The following SORCS3 variants were observed in gnomAD, a reference collection of about 807,000 sequenced individuals.
The protein encoded by SORCS3 is VPS10 domain-containing receptor SorCS3.
SORCS3 carries 57 observed loss-of-function variants against 146.3 expected under a neutral mutation model. The ratio of observed to expected loss-of-function variants is 0.39; its 90% CI spans 0.31 to 0.49. The LOEUF (loss-of-function observed/expected upper bound fraction) is 0.49, where lower values mean the gene tolerates loss of function less well. Ranked by LOEUF, SORCS3 falls within the 20% of genes least tolerant of loss-of-function variation. The pLI is 0.92. For missense variants in SORCS3, 1,341 were observed against 1,575.5 expected (o/e 0.85, Z 2.52); for synonymous variants, 653 against 618.5 (o/e 1.06, Z -0.83).
intron 1 of SORCS3, among the ~76,000 whole-genome samples, chr10:104,702,098 G>A (rs1227804077): frequency 6.6e-6 from 1 of 152,186 alleles, no homozygotes; most frequent in Non-Finnish European, 1.5e-5. Flanking sequence ...GAAACAGATG[G>A]AGGGTCAGAC....
chr10:105,005,339 T>G (rs1029533239), intron 4 of SORCS3, among the ~76,000 whole-genome samples: 1 of 152,202 alleles, frequency 6.6e-6, no homozygotes, highest in Non-Finnish European at 1.5e-5. Context: ...CACAAATTTT[T>G]GTGTAAAATT....
At chr10:105,111,478 G>A (rs928634195) in intron 7 of SORCS3, among the ~76,000 whole-genome samples, 1 of 152,192 alleles carries the variant, frequency 6.6e-6, no homozygotes, top group Admixed American at 6.5e-5. Context: ...CTCAGGAAGT[G>A]TAGTTAGTTA....
At chr10:104,718,737 C>T (rs914833958) in intron 1 of SORCS3, among the ~76,000 whole-genome samples, 3 of 152,280 alleles carry the variant, frequency 2.0e-5, no homozygotes, top group East Asian at 1.9e-4. Flanking sequence ...GAAGGAAACT[C>T]AGTTCTGAGG....
At chr10:105,081,533 G>A (rs1013214634) in intron 5 of SORCS3, among the ~76,000 whole-genome samples, 14 of 152,148 alleles carry the variant, frequency 9.2e-5, no homozygotes, top group Admixed American at 7.2e-4. Context: ...CTGGGTGAGC[G>A]GTTATGGTTC....
intron 3 of SORCS3, among the ~76,000 whole-genome samples, chr10:104,926,534 C>G (rs185222013): frequency 6.6e-6 from 1 of 152,274 alleles, no homozygotes; most frequent in Non-Finnish European, 1.5e-5. Flanking sequence ...AGAAAAGACT[C>G]CTTGCACCCC....
At chr10:104,996,201 A>G (rs1171801114) in intron 4 of SORCS3, among the ~76,000 whole-genome samples, 1 of 152,144 alleles carries the variant, frequency 6.6e-6, no homozygotes, top group Admixed American at 6.6e-5. Context: ...TTTGAGAATC[A>G]ATTTGTTTAT....
intron 1 of SORCS3, among the ~76,000 whole-genome samples, chr10:104,842,367 C>T (rs2018151580): frequency 6.6e-6 from 1 of 152,202 alleles, no homozygotes; most frequent in Non-Finnish European, 1.5e-5. Context: ...AGGACCACTT[C>T]CCTTTTACCC....
intron 20 of SORCS3, among the ~76,000 whole-genome samples, chr10:105,226,836 T>G (rs1196637776): frequency 6.6e-6 from 1 of 151,968 alleles, no homozygotes; most frequent in Non-Finnish European, 1.5e-5. Flanking sequence ...GTTTTTCAGT[T>G]TCTTAGTGTA....
chr10:104,824,005 G>A (rs531655448), intron 1 of SORCS3, among the ~76,000 whole-genome samples: 23 of 152,232 alleles, frequency 1.5e-4, no homozygotes, highest in African/African-American at 5.3e-4. Flanking sequence ...GTCAAGGAAT[G>A]GGGGAAAAGA....
At chr10:104,997,684 A>G (rs2055035525) in intron 4 of SORCS3, among the ~76,000 whole-genome samples, 1 of 152,164 alleles carries the variant, frequency 6.6e-6, no homozygotes, top group East Asian at 1.9e-4. Context: ...ACAGTCGAGC[A>G]CTTACAGATC....
In SORCS3 at chr10:104,858,778, C is replaced by T. The variant is rs540044035; in HGVS notation, c.695+15919C>T. Among the ~76,000 whole-genome samples, 508 of 151,890 alleles carry T rather than the reference C, an allele frequency of 3.3e-3. 2 individuals carry two copies. The highest frequency in any genetic ancestry group is 0.018 in the South Asian group (87 of 4,806). On this transcript the variant is annotated intron_variant, in intron 2 of 26. Transcript: ENST00000369701. The stretch of plus-strand genomic sequence containing the variant: ...CTGAGAGTACAGGTACCCGCCACCA[C>T]GCCTGGCTAATTTTTTGTGTTTTTA...
rs528688901 is a variant in SORCS3, at chr10:104,739,966, A to T, written c.627+98012A>T. On this transcript the variant is annotated intron_variant, in intron 1 of 26. Transcript: ENST00000369701. ...TCTTTTGTGTAGTAAGTATGCAAGG[A>T]GATATGGTATGTTTAATGGTGAACA... Among the ~76,000 whole-genome samples the T allele has an allele frequency of 7.9e-5, 12 of 152,300 alleles. No homozygotes were observed. In the South Asian group the frequency reaches 2.5e-3, roughly 32 times the overall value.
intron 5 of SORCS3, among the ~76,000 whole-genome samples, chr10:105,079,649 G>T (rs962317964): frequency 2.0e-5 from 3 of 152,092 alleles, no homozygotes; most frequent in African/African-American, 7.2e-5. Flanking sequence ...GGGGTTTGAT[G>T]TACAGATTAT....
chr10:104,654,532 G>C (rs1225403657), intron 1 of SORCS3, among the ~76,000 whole-genome samples: 1 of 152,110 alleles, frequency 6.6e-6, no homozygotes, highest in East Asian at 1.9e-4. Context: ...TTGTAGTTTT[G>C]ATGTGCATTT....
At chr10:105,185,742 A>G (rs7077728) in intron 14 of SORCS3, among the ~76,000 whole-genome samples, 65,020 of 152,016 alleles carry the variant, frequency 0.43, 14,194 homozygotes, top group South Asian at 0.53. Flanking sequence ...CCTAGATAGA[A>G]TTGATATTTT....
In SORCS3 at chr10:105,182,248, T is replaced by TTTTTTTTTTTTTTTTTTTC. The variant is rs2056447307; in HGVS notation, c.2009+4080_2009+4081insTTTTTTTTTTTTTCTTTTT. ...TCAGCATCTTTTTTTTTTTTTTTTT[T>TTTTTTTTTTTTTTTTTTTC]TTTTTGTGCCAGGTATCACATTGAG... On this transcript the variant is annotated intron_variant, in intron 14 of 26. Coordinates refer to ENST00000369701, the MANE Select transcript of SORCS3 (RefSeq NM_014978.3). Among the ~76,000 whole-genome samples, 2 of 144,128 alleles carry TTTTTTTTTTTTTTTTTTTC rather than the reference T, an allele frequency of 1.4e-5. 1 individual carries two copies. The highest frequency in any genetic ancestry group is 5.1e-5 in the African/African-American group (2 of 39,422). 94.6% of individuals were successfully genotyped at this position (144,128 alleles called of 152,430 possible). A position where few individuals can be genotyped will look rare whatever the true frequency, so the allele number is the denominator to read the frequency against.
intron 1 of SORCS3, among the ~76,000 whole-genome samples, chr10:104,776,298 A>G (rs938851885): frequency 2.0e-5 from 3 of 152,122 alleles, no homozygotes; most frequent in African/African-American, 7.2e-5. Context: ...CCTTCAGGTC[A>G]CAGAGCTATT....
intron 2 of SORCS3, among the ~76,000 whole-genome samples, chr10:104,848,643 A>G (rs1328591612): frequency 1.3e-5 from 2 of 152,194 alleles, no homozygotes; most frequent in Admixed American, 6.5e-5. Flanking sequence ...CTGGGCTGAT[A>G]TAAGCTGTGA....
chr10:105,247,495 A>G (rs1452562235), intron 22 of SORCS3, among the ~76,000 whole-genome samples, 164 bp downstream of exon 22: 1 of 152,234 alleles, frequency 6.6e-6, no homozygotes. Flanking sequence ...CACACCTGTC[A>G]TCCCAGCACT....
Sources: allele counts gnomAD v4.1 joint callset (sites outside exome capture counted in the v4.1 genomes callset), GRCh38; gene constraint gnomAD v4.1.1; transcripts MANE v1.5; gene names NCBI Gene and HGNC (gene_info 2026-07-23, HGNC 2026-07-21).